Variants in MSRA observed in about 807,000 individuals in gnomAD.
The protein encoded by MSRA is methionine sulfoxide reductase A.
A neutral mutation model predicts 31.3 loss-of-function variants in MSRA; 54 were observed. That is an observed-to-expected ratio of 1.73 (90% CI 1.39 to 2.17). The LOEUF is 2.17. Ranked by LOEUF, MSRA falls within the 30% of genes most tolerant of loss-of-function variation. MSRA has a pLI of 0.00. For synonymous variants in MSRA, 169 were observed against 116.5 expected (o/e 1.45, Z -2.90); for missense variants, 507 against 300.9 (o/e 1.69, Z -5.07).
chr8:10,339,498 T>G (rs1803271903), intron 5 of MSRA, among the ~76,000 whole-genome samples: 1 of 151,794 alleles, frequency 6.6e-6, no homozygotes, highest in African/African-American at 2.4e-5. Context: ...GTGTTTGTTT[T>G]ATTCCCTGTT....
intron 5 of MSRA, among the ~76,000 whole-genome samples, chr8:10,380,143 A>G (rs1305455706): frequency 1.3e-5 from 2 of 152,194 alleles, no homozygotes; most frequent in Non-Finnish European, 2.9e-5. Flanking sequence ...TCCCAGGCAT[A>G]CCTGAATGGG....
At position 10,428,663 on chromosome 8, in the gene MSRA, C is replaced by G. The variant is rs1236568591; in HGVS notation, c.*351C>G. ...GGACCCCAGAAGTCCTTTATCTGTG[C>G]TCTCTGCCCGCCAGTGCCTTACAAT... is the stretch of plus-strand genomic sequence containing the variant. On this transcript the variant is annotated 3_prime_UTR_variant, in exon 6 of 6. Transcript: ENST00000317173. 2 of 276,700 alleles carry G rather than the reference C, an allele frequency of 7.2e-6. No individual in the cohort carries two copies. The highest frequency in any genetic ancestry group is 5.4e-5 in the Admixed American group (1 of 18,444). 17.1% of individuals were successfully genotyped at this position (276,700 alleles called of 1,614,324 possible). A position where few individuals can be genotyped will look rare whatever the true frequency, so the allele number is the denominator to read the frequency against.
chr8:10,193,554 T>C (rs1428102557), intron 1 of MSRA, among the ~76,000 whole-genome samples: 1 of 152,196 alleles, frequency 6.6e-6, no homozygotes, highest in African/African-American at 2.4e-5. Context: ...CATCTGTTAG[T>C]GAAGTCAGGC....
intron 5 of MSRA, among the ~76,000 whole-genome samples, chr8:10,327,738 C>T (rs554638435): frequency 6.6e-6 from 1 of 152,182 alleles, no homozygotes; most frequent in Admixed American, 6.5e-5. Flanking sequence ...TCGAGACTAT[C>T]CTGGCTAACA....
chr8:10,400,354 T>C (rs1399661813), intron 5 of MSRA, among the ~76,000 whole-genome samples: 1 of 75,708 alleles, frequency 1.3e-5, no homozygotes, highest in Non-Finnish European at 2.7e-5. Flanking sequence ...TATGACCTAT[T>C]CAGGCTCTGT....
rs868109796 is a variant in MSRA at position 10,316,527 on chromosome 8, C to T, written c.437-3356C>T. ...AGGATTGTTAGCTACTTTGATGATC[C>T]CTCTCTCTCTCTCTCTCTCTCTCTC... is the stretch of plus-strand genomic sequence containing the variant. On this transcript the variant is annotated intron_variant, in intron 4 of 5. Coordinates refer to ENST00000317173, the MANE Select transcript of MSRA (RefSeq NM_012331.5). 2.7e-3 allele frequency among the ~76,000 whole-genome samples: 302 copies of T among 112,580 alleles called. 1 individual carries two copies. Among genetic ancestry groups the T allele is most frequent in the African/African-American group, 7.5e-3 (243 of 32,554 alleles). The allele number at this position is 112,580 out of a possible 152,430, so 73.9% of individuals were successfully genotyped here.
In MSRA at chr8:10,400,349, C is replaced by A. The variant is rs116770115; in HGVS notation, c.544-27799C>A. Among the ~76,000 whole-genome samples, 267 of 127,704 alleles carry A rather than the reference C, an allele frequency of 2.1e-3. 5 individuals carry two copies. The highest frequency in any genetic ancestry group is 7.5e-3 in the African/African-American group (253 of 33,614). 83.8% of individuals were successfully genotyped at this position (127,704 alleles called of 152,430 possible). ...GTCAGGAGGACTCCATGGCCTATGA[C>A]CTATTCAGGCTCTGTGTGTGTGTGT... is the stretch of plus-strand genomic sequence containing the variant. On this transcript the variant is annotated intron_variant, in intron 5 of 5. Coordinates refer to ENST00000317173, the MANE Select transcript of MSRA (RefSeq NM_012331.5).
At chr8:10,066,614 A>C (rs888525098) in intron 1 of MSRA, among the ~76,000 whole-genome samples, 2 of 151,960 alleles carry the variant, frequency 1.3e-5, no homozygotes, top group African/African-American at 4.8e-5. Flanking sequence ...GCTCACTGCA[A>C]CCTCTGCCTC....
intron 1 of MSRA, among the ~76,000 whole-genome samples, chr8:10,129,720 A>G (rs1463521223): frequency 1.3e-5 from 2 of 152,146 alleles, no homozygotes; most frequent in Non-Finnish European, 2.9e-5. Context: ...GAGGTTCAAA[A>G]AAGCAAAGAT....
intron 3 of MSRA, among the ~76,000 whole-genome samples, chr8:10,268,341 A>G (rs1258214390): frequency 6.6e-6 from 1 of 152,064 alleles, no homozygotes; most frequent in African/African-American, 2.4e-5. Flanking sequence ...GTTGCTGAAA[A>G]ATGATTTCTA....
At chr8:10,330,579 C>T (rs1360285029) in intron 5 of MSRA, among the ~76,000 whole-genome samples, 2 of 152,212 alleles carry the variant, frequency 1.3e-5, no homozygotes, top group Non-Finnish European at 2.9e-5. Context: ...ACAAAGCTAT[C>T]TGAGGCAAAG....
chr8:10,063,163 C>T (rs1468670827), intron 1 of MSRA, among the ~76,000 whole-genome samples: 1 of 152,166 alleles, frequency 6.6e-6, no homozygotes, highest in Non-Finnish European at 1.5e-5. Flanking sequence ...AGTGGCACTG[C>T]TCTCCTCTCA....
chr8:10,064,708 T>A (rs570972564), intron 1 of MSRA, among the ~76,000 whole-genome samples: 3 of 152,214 alleles, frequency 2.0e-5, no homozygotes, highest in Non-Finnish European at 4.4e-5. Context: ...ATTTTACCTT[T>A]GATTTAAAAA....
intron 1 of MSRA, among the ~76,000 whole-genome samples, chr8:10,074,739 A>G (rs1384199694): frequency 4.0e-5 from 6 of 151,204 alleles, no homozygotes; most frequent in Admixed American, 3.9e-4. Flanking sequence ...CCTCACAGCA[A>G]CCTCTGCCTC....
intron 3 of MSRA, among the ~76,000 whole-genome samples, chr8:10,248,382 C>T (rs569086112): frequency 6.6e-6 from 1 of 152,268 alleles, no homozygotes; most frequent in East Asian, 1.9e-4. Context: ...GAGGGGTTAA[C>T]AGAATCCACA....
chr8:10,366,639 C>T (rs972859756), intron 5 of MSRA, among the ~76,000 whole-genome samples: 9 of 152,178 alleles, frequency 5.9e-5, no homozygotes, highest in South Asian at 2.1e-4. Context: ...TCCCTGCTCC[C>T]GCATCCCCTG....
intron 5 of MSRA, among the ~76,000 whole-genome samples, chr8:10,357,996 C>T (rs1258049337): frequency 6.6e-6 from 1 of 152,196 alleles, no homozygotes; most frequent in Non-Finnish European, 1.5e-5. Context: ...TATCTTGGCT[C>T]ACTGCAACCT....
intron 1 of MSRA, among the ~76,000 whole-genome samples, chr8:10,100,755 GA>G (rs2128933034): frequency 6.6e-6 from 1 of 152,270 alleles, no homozygotes; most frequent in Non-Finnish European, 1.5e-5. Flanking sequence ...AAAGCAAGCA[GA>G]AAGTGAAAAA....
chr8:10,372,662 C>T (rs528202487), intron 5 of MSRA, among the ~76,000 whole-genome samples: 1 of 152,254 alleles, frequency 6.6e-6, no homozygotes, highest in East Asian at 1.9e-4. Context: ...TATGAAAAAA[C>T]CATAATGAGT....
Sources: gnomAD v4.1 joint callset for allele counts (sites outside exome capture counted in the v4.1 genomes callset) on GRCh38, gnomAD v4.1.1 for gene constraint, MANE v1.5 for transcripts, NCBI Gene and HGNC (gene_info 2026-07-23, HGNC 2026-07-21) for gene names.